Variants in RB1 observed in about 807,000 individuals in gnomAD.
The protein encoded by RB1 is RB transcriptional corepressor 1, also known as retinoblastoma-associated protein.
A neutral mutation model predicts 135.4 loss-of-function variants in RB1; 18 were observed. That is an observed-to-expected ratio of 0.13 (90% CI 0.09 to 0.20). The LOEUF (loss-of-function observed/expected upper bound fraction) is 0.20. RB1 is among the 10% of genes least tolerant of loss of function. The pLI, the probability that RB1 is intolerant of heterozygous loss-of-function variation, is 1.00. For missense variants in RB1, 868 were observed against 1,110.0 expected (o/e 0.78, Z 3.10); for synonymous variants, 365 against 373.2 (o/e 0.98, Z 0.25).
intron 20 of RB1, among the ~76,000 whole-genome samples, chr13:48,462,925 T>C (rs1170965358): frequency 1.3e-5 from 2 of 151,878 alleles, no homozygotes; most frequent in East Asian, 1.9e-4. Flanking sequence ...CTCTCAATTC[T>C]GTTTCATATG....
intron 2 of RB1, among the ~76,000 whole-genome samples, chr13:48,321,129 G>A (rs992978989): frequency 6.6e-6 from 1 of 152,028 alleles, no homozygotes; most frequent in African/African-American, 2.4e-5. Flanking sequence ...GCCACCCACC[G>A]CGCTGACCCT....
In RB1 at chr13:48,318,596, G is replaced by A. The variant is rs562445755; in HGVS notation, c.264+11190G>A. The stretch of plus-strand genomic sequence containing the variant: ...CGGGCAGGTCCCGCCCCTCATGGCC[G>A]GGCACGGCTCACGCCTGGCTGTGGT... On this transcript the variant is annotated intron_variant, in intron 2 of 26. Transcript: ENST00000267163. 76 of 620,048 alleles carry A rather than the reference G, an allele frequency of 1.2e-4. No individual in the cohort carries two copies. In the African/African-American group the frequency reaches 1.4e-3, roughly 11 times the overall value. The allele number at this position is 620,048 out of a possible 1,614,324, so 38.4% of individuals were successfully genotyped here. A position where few individuals can be genotyped will look rare whatever the true frequency, so the allele number is the denominator to read the frequency against.
At chr13:48,379,957 T>TGA in intron 14 of RB1, 96 bp from the exon 15 acceptor site, 1 of 368,680 alleles carries the variant, frequency 2.7e-6, no homozygotes, top group East Asian at 1.4e-4. Flanking sequence ...AGACACCATC[T>TGA]AAAAAAAAAA....
In RB1 at chr13:48,479,856, T is replaced by G. The variant is rs1023097951; in HGVS notation, c.2714-142T>G. 4.3e-6 allele frequency: 3 copies of G among 696,452 alleles called. No homozygotes were observed. In the African/African-American group the frequency reaches 5.3e-5, roughly 12 times the overall value. The allele number at this position is 696,452 out of a possible 1,614,324, so 43.1% of individuals were successfully genotyped here. On this transcript the variant is annotated intron_variant, in intron 26 of 26. Coordinates refer to ENST00000267163, the MANE Select transcript of RB1 (RefSeq NM_000321.3). ...AATTAACTGTAACTCCCTACGGTAC[T>G]GTCAAATACTAGAATGAAGACCACT...
At chr13:48,438,326 G>A (rs1949204301) in intron 17 of RB1, among the ~76,000 whole-genome samples, 1 of 151,960 alleles carries the variant, frequency 6.6e-6, no homozygotes, top group African/African-American at 2.4e-5. Flanking sequence ...AGTTTCCCCA[G>A]GGCCATATTA....
At position 48,319,528 on chromosome 13, in the gene RB1, G is replaced by C. The variant is rs566826959; in HGVS notation, c.264+12122G>C. On this transcript the variant is annotated intron_variant, in intron 2 of 26. Coordinates refer to ENST00000267163, the MANE Select transcript of RB1 (RefSeq NM_000321.3). The surrounding 1 kb of genome is among the most constrained non-coding windows in gnomAD (Gnocchi z 5.0). The stretch of plus-strand genomic sequence containing the variant: ...TCTGAAGGGCTGCAGGGGGCTGCTG[G>C]CTTCGGGCTGCCCTTGTTCTCCTGC... 3.4e-4 allele frequency: 90 copies of C among 266,180 alleles called. No homozygotes were observed. The highest frequency in any genetic ancestry group is 5.8e-4 in the Non-Finnish European group (79 of 135,286). 16.5% of individuals were successfully genotyped at this position (266,180 alleles called of 1,614,324 possible).
chr13:48,363,080 C>T, intron 8 of RB1, 123 bp downstream of exon 8: 1 of 1,196,402 alleles, frequency 8.4e-7, no homozygotes, highest in Non-Finnish European at 1.2e-6. Flanking sequence ...AACTCTTTTG[C>T]AGTAGCAAAA....
chr13:48,344,697 A>T (rs1952476692), intron 3 of RB1, among the ~76,000 whole-genome samples: 1 of 152,192 alleles, frequency 6.6e-6, no homozygotes, highest in Non-Finnish European at 1.5e-5. Flanking sequence ...CAGGTTTCCC[A>T]CTGTCAATGA....
At chr13:48,377,593 T>C (rs1952840874) in intron 13 of RB1, among the ~76,000 whole-genome samples, 1 of 152,180 alleles carries the variant, frequency 6.6e-6, no homozygotes, top group African/African-American at 2.4e-5. Flanking sequence ...GAGGATAATA[T>C]ACAAAAATAT....
intron 17 of RB1, chr13:48,426,664 A>C (rs1949083639): frequency 6.6e-6 from 1 of 152,168 alleles, no homozygotes; most frequent in Non-Finnish European, 1.5e-5. Context: ...GGAAACTAAA[A>C]CCATAGCTGA....
intron 2 of RB1, among the ~76,000 whole-genome samples, chr13:48,324,376 C>T (rs1235570352): frequency 6.6e-6 from 1 of 152,028 alleles, no homozygotes; most frequent in Non-Finnish European, 1.5e-5. Context: ...CCCATCCCCA[C>T]TACCCTTCAC....
intron 20 of RB1, among the ~76,000 whole-genome samples, chr13:48,462,602 T>C (rs1159863177): frequency 1.3e-5 from 2 of 152,254 alleles, no homozygotes; most frequent in African/African-American, 4.8e-5. Flanking sequence ...ATTTTGATGA[T>C]GTCCAATTTA....
intron 2 of RB1, among the ~76,000 whole-genome samples, chr13:48,325,806 T>C (rs1952282736): frequency 6.6e-6 from 1 of 152,148 alleles, no homozygotes; most frequent in South Asian, 2.1e-4. Flanking sequence ...ATTATCCTTA[T>C]ATATACATTT....
intron 3 of RB1, among the ~76,000 whole-genome samples, chr13:48,343,121 A>T (rs1247250036): frequency 6.6e-6 from 1 of 152,168 alleles, no homozygotes; most frequent in East Asian, 1.9e-4. Context: ...TAACTAGAGG[A>T]TATTATAACT....
At chr13:48,449,629 G>A (rs1166252618) in intron 17 of RB1, among the ~76,000 whole-genome samples, 3 of 152,080 alleles carry the variant, frequency 2.0e-5, no homozygotes, top group Non-Finnish European at 4.4e-5. Context: ...GGGCACCATG[G>A]CGCATTCCTA....
intron 17 of RB1, among the ~76,000 whole-genome samples, chr13:48,434,029 A>G (rs899115954): frequency 1.3e-5 from 2 of 151,992 alleles, no homozygotes; most frequent in African/African-American, 2.4e-5. Flanking sequence ...TGGCCTCAAT[A>G]TTTATTTAAA....
At chr13:48,439,492 G>A (rs1034420890) in intron 17 of RB1, 2 of 152,102 alleles carry the variant, frequency 1.3e-5, no homozygotes, top group African/African-American at 4.8e-5. Flanking sequence ...CTTCCTTATA[G>A]TGCAATATCC....
Position 48,319,799 on chromosome 13 carries a change from C to G in RB1, c.264+12393C>G. On this transcript the variant is annotated intron_variant, in intron 2 of 26. Coordinates refer to ENST00000267163, the MANE Select transcript of RB1 (RefSeq NM_000321.3). The surrounding 1 kb of genome is among the most constrained non-coding windows in gnomAD (Gnocchi z 5.0). ...TATCTCTTCTCATTCAGAAGCTGTT[C>G]TATTTCCGCCTTAATGCTCTGCTCG... is the stretch of plus-strand genomic sequence containing the variant. 3.4e-6 allele frequency: 1 copy of G among 295,554 alleles called. No homozygotes were observed. Among genetic ancestry groups the G allele is most frequent in the Non-Finnish European group, 6.8e-6 (1 of 146,564 alleles). 18.3% of individuals were successfully genotyped at this position (295,554 alleles called of 1,614,324 possible). A position where few individuals can be genotyped will look rare whatever the true frequency, so the allele number is the denominator to read the frequency against.
intron 17 of RB1, chr13:48,445,207 C>G (rs951949714): frequency 1.3e-5 from 2 of 152,290 alleles, no homozygotes; most frequent in African/African-American, 4.8e-5. Context: ...GAATACTTTC[C>G]TGAAAGCAAC....
Sources: allele counts gnomAD v4.1 joint callset (sites outside exome capture counted in the v4.1 genomes callset), GRCh38; gene constraint gnomAD v4.1.1; non-coding constraint Gnocchi (gnomAD v3.1); transcripts MANE v1.5; gene names NCBI Gene and HGNC (gene_info 2026-07-23, HGNC 2026-07-21).